Variants in ABI3BP observed in about 807,000 individuals in gnomAD.
ABI3BP encodes target of Nesh-SH3.
ABI3BP carries 216 observed loss-of-function variants against 268.6 expected under a neutral mutation model. The observed-to-expected ratio is 0.80, with a 90% CI of 0.72 to 0.90. The LOEUF is 0.90. Among genes scored for constraint, ABI3BP ranks in the 40% least tolerant of loss-of-function variants. The probability of loss-of-function intolerance (pLI) is 0.00; values close to 1 mark genes in which losing one functional copy is unlikely to be tolerated. For synonymous variants in ABI3BP, 730 were observed against 730.0 expected (o/e 1.00, Z 0.00); for missense variants, 2,090 against 2,182.4 (o/e 0.96, Z 0.84).
At chr3:100,901,804 C>T (rs1403315581) in intron 3 of ABI3BP, among the ~76,000 whole-genome samples, 1 of 151,514 alleles carries the variant, frequency 6.6e-6, no homozygotes, top group South Asian at 2.1e-4. Flanking sequence ...ATTTTGTGAT[C>T]AACTCTATAT....
chr3:100,911,823 T>A lies in ABI3BP; in HGVS notation c.260-9137A>T, dbSNP rs1300636911. Reference sequence around the variant, plus strand: ...AATAAGTTCTTGGTTTGAAAAATGCTCCTGCAAGTTTTTGTGAAGCAGCCT... The same window carrying A: ...AATAAGTTCTTGGTTTGAAAAATGCACCTGCAAGTTTTTGTGAAGCAGCCT... On this transcript the variant is annotated intron_variant, in intron 2 of 67. Coordinates refer to ENST00000471714, the MANE Select transcript of ABI3BP (RefSeq NM_001375547.2). The A allele has an allele frequency of 1.8e-5, 29 of 1,578,622 alleles. No individual in the cohort carries two copies. The East Asian group carries it at 6.5e-4, about 35-fold the overall frequency.
chr3:100,810,875 A>G (rs1462984711), intron 48 of ABI3BP, among the ~76,000 whole-genome samples: 2 of 152,204 alleles, frequency 1.3e-5, no homozygotes, highest in Non-Finnish European at 2.9e-5. Flanking sequence ...AATGGAAAGT[A>G]TGTTGCTAGG....
intron 4 of ABI3BP, among the ~76,000 whole-genome samples, chr3:100,892,187 G>C (rs1457426232): frequency 6.6e-6 from 1 of 152,154 alleles, no homozygotes; most frequent in African/African-American, 2.4e-5. Context: ...ATAAAGTTGA[G>C]TAGTAATGAA....
chr3:100,793,766 C>T (rs2097263248), intron 54 of ABI3BP, among the ~76,000 whole-genome samples: 1 of 151,890 alleles, frequency 6.6e-6, no homozygotes. Flanking sequence ...TGAAGGGAGA[C>T]AAATAGGGCC....
At chr3:100,754,193 G>A (rs549052071) in intron 64 of ABI3BP, among the ~76,000 whole-genome samples, 21 of 152,216 alleles carry the variant, frequency 1.4e-4, no homozygotes, top group African/African-American at 4.6e-4. Context: ...AACTACAGTT[G>A]GTATAAAAAT....
chr3:100,904,460 G>T (rs1010246451), intron 2 of ABI3BP, among the ~76,000 whole-genome samples: 2 of 152,176 alleles, frequency 1.3e-5, no homozygotes, highest in African/African-American at 4.8e-5. Context: ...TTGGAGGAAT[G>T]CATTATCATA....
At chr3:100,899,086 C>G (rs1403253767) in intron 3 of ABI3BP, among the ~76,000 whole-genome samples, 192 bp from the exon 4 acceptor site, 1 of 152,166 alleles carries the variant, frequency 6.6e-6, no homozygotes, top group East Asian at 1.9e-4. Context: ...ATACCTTTTT[C>G]AGATTTGTGT....
chr3:100,910,469 TA>T (rs1191286716), intron 2 of ABI3BP, among the ~76,000 whole-genome samples: 1 of 152,082 alleles, frequency 6.6e-6, no homozygotes, highest in Non-Finnish European at 1.5e-5. Context: ...CGATAAAAAG[TA>T]AATTTTCATA....
Position 100,821,061 on chromosome 3 carries a change from T to C in ABI3BP, c.2940A>G (p.Thr980=). 1.3e-6 allele frequency: 2 copies of C among 1,535,756 alleles called. No individual in the cohort carries two copies. The highest frequency in any genetic ancestry group is 8.7e-7 in the Non-Finnish European group (1 of 1,146,582). Residue 980 remains threonine (T), a synonymous_variant, in exon 39 of 68, where the codon ACA becomes ACG. Transcript: ENST00000471714. The part of the protein sequence containing the change: ...PVTLRTETWV[T]TQAPKTSQRT... ...ATTGCAACGTGCTATTACCTTGTGT[T>C]GTCACCCAAGTCTCAGTTCTGAGTG...
chr3:100,836,039 G>A (rs73135586), intron 27 of ABI3BP, among the ~76,000 whole-genome samples: 3 of 152,266 alleles, frequency 2.0e-5, no homozygotes, highest in Non-Finnish European at 4.4e-5. Context: ...TGTTTTGAGA[G>A]TGGTAGTTGT....
At chr3:100,980,851 C>G (rs1022871049) in intron 1 of ABI3BP, among the ~76,000 whole-genome samples, 3 of 152,168 alleles carry the variant, frequency 2.0e-5, no homozygotes, top group Admixed American at 2.0e-4. Context: ...CATTTGAACT[C>G]AAGATCCAAC....
intron 1 of ABI3BP, among the ~76,000 whole-genome samples, chr3:100,982,261 G>A (rs1270556751): frequency 6.6e-6 from 1 of 152,100 alleles, no homozygotes; most frequent in African/African-American, 2.4e-5. Context: ...TTCGAGACAA[G>A]ATTTGGGTGG....
intron 1 of ABI3BP, among the ~76,000 whole-genome samples, chr3:100,938,953 AT>A (rs2067571285): frequency 6.6e-6 from 1 of 152,130 alleles, no homozygotes; most frequent in African/African-American, 2.4e-5. Context: ...GTGCATGCAC[AT>A]GTGCCTGTGC....
At chr3:100,973,854 C>T (rs966346608) in intron 1 of ABI3BP, among the ~76,000 whole-genome samples, 1 of 152,108 alleles carries the variant, frequency 6.6e-6, no homozygotes, top group Non-Finnish European at 1.5e-5. Context: ...TGAAAGTTCC[C>T]TCTGTGCCAG....
intron 2 of ABI3BP, among the ~76,000 whole-genome samples, chr3:100,906,997 G>A (rs1348968259): frequency 6.6e-6 from 1 of 152,048 alleles, no homozygotes; most frequent in Non-Finnish European, 1.5e-5. Flanking sequence ...TAGGTAAGGG[G>A]GCCTGAAAAA....
intron 15 of ABI3BP, among the ~76,000 whole-genome samples, chr3:100,851,129 T>G (rs1363513714): frequency 1.3e-5 from 2 of 152,180 alleles, no homozygotes; most frequent in Admixed American, 1.3e-4. Flanking sequence ...ACAAAAAATA[T>G]CAGACATATA....
chr3:100,752,957 G>A lies in ABI3BP; in HGVS notation c.4961-9C>T. 6.2e-7 allele frequency: 1 copy of A among 1,605,312 alleles called. No individual in the cohort carries two copies. The highest frequency in any genetic ancestry group is 1.1e-5 in the South Asian group (1 of 90,358). Reference sequence around the variant, plus strand: ...GATGGCATCTCTTCCTGCTACAAAAGGAAAATAGTTTGAGTTTAGTATCTG... The same window carrying A: ...GATGGCATCTCTTCCTGCTACAAAAAGAAAATAGTTTGAGTTTAGTATCTG... On this transcript the variant is annotated splice_polypyrimidine_tract_variant and intron_variant, in intron 65 of 67. Coordinates refer to ENST00000471714, the MANE Select transcript of ABI3BP (RefSeq NM_001375547.2).
At chr3:100,805,516 A>G (rs995113586) in intron 50 of ABI3BP, among the ~76,000 whole-genome samples, 2 of 152,142 alleles carry the variant, frequency 1.3e-5, no homozygotes, top group Non-Finnish European at 2.9e-5. Context: ...AGTGTATTCT[A>G]TGATTTCAAA....
chr3:100,950,936 A>G (rs900726963), intron 1 of ABI3BP, among the ~76,000 whole-genome samples: 7 of 151,922 alleles, frequency 4.6e-5, no homozygotes, highest in African/African-American at 1.7e-4. Flanking sequence ...ATCCCAGCAC[A>G]CTAAAGTCAA....
Sources: allele counts gnomAD v4.1 joint callset (sites outside exome capture counted in the v4.1 genomes callset), GRCh38; gene constraint gnomAD v4.1.1; transcripts MANE v1.5; gene names NCBI Gene and HGNC (gene_info 2026-07-23, HGNC 2026-07-21).